Variants in KPNA3 observed in about 807,000 individuals in gnomAD.
KPNA3 encodes karyopherin subunit alpha 3.
A neutral mutation model predicts 73.8 loss-of-function variants in KPNA3; 13 were observed. The observed-to-expected ratio is 0.18, with a 90% confidence interval of 0.11 to 0.28. The LOEUF (loss-of-function observed/expected upper bound fraction) is 0.28, where lower values mean the gene tolerates loss of function less well. KPNA3 is among the 10% of genes least tolerant of loss of function. KPNA3 has a pLI of 1.00. For missense variants in KPNA3, 360 were observed against 618.1 expected (o/e 0.58, Z 4.43); for synonymous variants, 186 against 206.9 (o/e 0.90, Z 0.87).
In KPNA3 at chr13:49,709,131, G is replaced by A. The variant is rs1378305811; in HGVS notation, c.1032+441C>T. ...TTAAAAGTTGAAAAAGGCTGGGCGC[G>A]GTGGCTCACGCCTGTAATCTCAGCA... is the stretch of plus-strand genomic sequence containing the variant. On this transcript the variant is annotated intron_variant, in intron 12 of 16. Transcript: ENST00000261667. Among the ~76,000 whole-genome samples the A allele has an allele frequency of 2.0e-5, 3 of 152,158 alleles. No individual in the cohort carries two copies. In the East Asian group the frequency reaches 5.8e-4, roughly 29 times the overall value.
chr13:49,780,832 T>C (rs1036979419), intron 1 of KPNA3, among the ~76,000 whole-genome samples: 16 of 151,568 alleles, frequency 1.1e-4, no homozygotes, highest in Non-Finnish European at 2.1e-4. Flanking sequence ...GCGATTCTCC[T>C]GCCTCAGCCT....
intron 2 of KPNA3, among the ~76,000 whole-genome samples, chr13:49,743,204 G>A (rs561734804): frequency 6.6e-6 from 1 of 152,174 alleles, no homozygotes; most frequent in South Asian, 2.1e-4. Context: ...TGAAACTCTG[G>A]GGACTAGCTC....
At position 49,710,448 on chromosome 13, in the gene KPNA3, A is replaced by G. The variant is rs144095796; in HGVS notation, c.903+443T>C. ...GGGGAAAGATAGAGTCTTGAACTAA[A>G]TCTGTTGTTCTAGATAGATAAGGAG... On this transcript the variant is annotated intron_variant, in intron 11 of 16. Coordinates refer to ENST00000261667, the MANE Select transcript of KPNA3 (RefSeq NM_002267.4). Among the ~76,000 whole-genome samples the G allele has an allele frequency of 3.8e-3, 581 of 152,296 alleles. 3 individuals are homozygous for G. The highest frequency in any genetic ancestry group is 0.014 in the Middle Eastern group (4 of 294).
chr13:49,708,186 G>A (rs1378195261), intron 12 of KPNA3, among the ~76,000 whole-genome samples: 4 of 151,826 alleles, frequency 2.6e-5, no homozygotes, highest in Non-Finnish European at 4.4e-5. Flanking sequence ...TAGTAGAGAC[G>A]GGGTTTCACT....
At chr13:49,713,302 AC>A (rs1248972146) in intron 10 of KPNA3, among the ~76,000 whole-genome samples, 21 of 150,988 alleles carry the variant, frequency 1.4e-4, no homozygotes, top group Non-Finnish European at 2.4e-4. Context: ...GAATAAACAC[AC>A]ACACACACAC....
Position 49,722,970 on chromosome 13 carries a change from C to T in KPNA3, c.470-407G>A, listed in dbSNP as rs1954374057. On this transcript the variant is annotated intron_variant, in intron 7 of 16. Coordinates refer to ENST00000261667, the MANE Select transcript of KPNA3 (RefSeq NM_002267.4). The stretch of plus-strand genomic sequence containing the variant: ...AATCTCATATCAGGTCTATCTTATA[C>T]TTTAAAATAATTTCTCATAATCCTT... 2.6e-5 allele frequency among the ~76,000 whole-genome samples: 4 copies of T among 151,494 alleles called. No individual in the cohort carries two copies. The South Asian group carries it at 8.3e-4, about 32-fold the overall frequency.
chr13:49,707,981 TTTC>T (rs1306137738), intron 12 of KPNA3, among the ~76,000 whole-genome samples: 8 of 135,514 alleles, frequency 5.9e-5, no homozygotes, highest in African/African-American at 2.1e-4. Context: ...TGTAAATTTA[TTTC>T]TTTTTCTTTT....
intron 15 of KPNA3, among the ~76,000 whole-genome samples, chr13:49,705,292 G>C (rs1034690473): frequency 5.3e-5 from 8 of 151,352 alleles, no homozygotes; most frequent in African/African-American, 1.9e-4. Flanking sequence ...TCGGGAGGCA[G>C]AGGTTGCAAT....
chr13:49,724,726 A>C (rs1157830036), intron 7 of KPNA3, among the ~76,000 whole-genome samples: 2 of 152,166 alleles, frequency 1.3e-5, no homozygotes, highest in Non-Finnish European at 2.9e-5. Context: ...TCTCCTGAGT[A>C]GGTGCGACTA....
chr13:49,764,006 G>A (rs148459671), intron 1 of KPNA3, among the ~76,000 whole-genome samples: 168 of 149,412 alleles, frequency 1.1e-3, no homozygotes, highest in African/African-American at 4.1e-3. Flanking sequence ...GGTTGAGGCT[G>A]TGGTGAGCTG....
chr13:49,791,631 A>C (rs138230691), intron 1 of KPNA3, among the ~76,000 whole-genome samples: 18 of 152,342 alleles, frequency 1.2e-4, no homozygotes, highest in Admixed American at 3.9e-4. Flanking sequence ...CGTGTCAAAG[A>C]AATTATCACC....
intron 7 of KPNA3, among the ~76,000 whole-genome samples, chr13:49,723,563 T>C (rs9526594): frequency 0.85 from 126,905 of 150,028 alleles, 53,862 homozygotes; most frequent in East Asian, 1. Context: ...AGCAAGACTC[T>C]GTCTCAAAAA....
chr13:49,762,881 TAA>T (rs1216907603), intron 1 of KPNA3, among the ~76,000 whole-genome samples: 1 of 100,202 alleles, frequency 1.0e-5, no homozygotes, highest in Non-Finnish European at 2.1e-5. Flanking sequence ...AAAATTAAAT[TAA>T]AAAAATAAAT....
Position 49,710,878 on chromosome 13 carries a change from T to A in KPNA3, c.903+13A>T, listed in dbSNP as rs751924517. The A allele has an allele frequency of 1.2e-6, 2 of 1,607,946 alleles. No homozygotes were observed. The highest frequency in any genetic ancestry group is 2.2e-5 in the South Asian group (2 of 90,026). ...CAACTGTATACAAATAAGAAAAATT[T>A]AAAAATACTTACTTGAACTTTGACT... On this transcript the variant is annotated intron_variant, in intron 11 of 16. Coordinates refer to ENST00000261667, the MANE Select transcript of KPNA3 (RefSeq NM_002267.4).
intron 6 of KPNA3, among the ~76,000 whole-genome samples, chr13:49,726,940 G>A (rs993331141): frequency 3.9e-5 from 6 of 152,044 alleles, no homozygotes; most frequent in African/African-American, 9.6e-5. Context: ...GTGACAGAGT[G>A]AAACCCTGTC....
At chr13:49,717,918 T>G (rs1954320229) in intron 10 of KPNA3, among the ~76,000 whole-genome samples, 1 of 152,244 alleles carries the variant, frequency 6.6e-6, no homozygotes. Context: ...TAAAGCACTT[T>G]GGTCACTGCT....
At chr13:49,713,830 T>C (rs9535304) in intron 10 of KPNA3, among the ~76,000 whole-genome samples, 64,875 of 151,972 alleles carry the variant, frequency 0.43, 14,369 homozygotes, top group South Asian at 0.59. Context: ...CAGTGCCCCA[T>C]GTAGCTGGGA....
rs1954134428 is a variant in KPNA3, at chr13:49,700,204, A to T, written c.*1596T>A. ...AGATACATATATTTGTAATGAATGC[A>T]CACCTGCTATGTGTTGTTTATCAGT... is the stretch of plus-strand genomic sequence containing the variant. On this transcript the variant is annotated 3_prime_UTR_variant, in exon 17 of 17. Transcript: ENST00000261667. 2 of 152,622 alleles carry T rather than the reference A, an allele frequency of 1.3e-5. No individual in the cohort carries two copies. 9.5% of individuals were successfully genotyped at this position (152,622 alleles called of 1,614,324 possible).
intron 1 of KPNA3, among the ~76,000 whole-genome samples, chr13:49,752,601 T>C (rs989636152): frequency 6.6e-6 from 1 of 151,942 alleles, no homozygotes; most frequent in African/African-American, 2.4e-5. Flanking sequence ...CAAAAAAGAA[T>C]TAGAAATAAA....
Sources: gnomAD v4.1 joint callset for allele counts (sites outside exome capture counted in the v4.1 genomes callset) on GRCh38, gnomAD v4.1.1 for gene constraint, MANE v1.5 for transcripts, NCBI Gene and HGNC (gene_info 2026-07-23, HGNC 2026-07-21) for gene names.